The following DPP6 variants were observed in gnomAD, a reference collection of about 807,000 sequenced individuals.
DPP6 encodes the protein A-type potassium channel modulatory protein DPP6.
DPP6 carries 69 observed loss-of-function variants against 122.6 expected under a neutral mutation model. The observed-to-expected ratio is 0.56, with a 90% CI of 0.46 to 0.69. The LOEUF (loss-of-function observed/expected upper bound fraction) is 0.69. Among genes scored for constraint, DPP6 ranks in the 30% least tolerant of loss-of-function variants. The probability of loss-of-function intolerance (pLI) is 0.00; values close to 1 mark genes in which losing one functional copy is unlikely to be tolerated. For synonymous variants in DPP6, 418 were observed against 433.1 expected (o/e 0.97, Z 0.43); for missense variants, 928 against 1,116.9 (o/e 0.83, Z 2.41).
Position 154,100,188 on chromosome 7 carries a change from T to C in DPP6, c.243+47125T>C, listed in dbSNP as rs1448837183. On this transcript the variant is annotated intron_variant, in intron 1 of 25. Coordinates refer to ENST00000377770, the MANE Select transcript of DPP6 (RefSeq NM_130797.4). ...GCAAAATCAACTTCCAGAGTAGAAG[T>C]GGGAGTTTTATTTTTTATTTATTTA... is the stretch of plus-strand genomic sequence containing the variant. 8.8e-4 allele frequency among the ~76,000 whole-genome samples: 95 copies of C among 108,302 alleles called. 15 individuals are homozygous for C. Among genetic ancestry groups the C allele is most frequent in the African/African-American group, 3.8e-3 (95 of 25,186 alleles). The allele number at this position is 108,302 out of a possible 152,430, so 71.1% of individuals were successfully genotyped here. A position where few individuals can be genotyped will look rare whatever the true frequency, so the allele number is the denominator to read the frequency against.
intron 4 of DPP6, among the ~76,000 whole-genome samples, chr7:154,541,434 C>T (rs1828720909): frequency 6.6e-6 from 1 of 152,140 alleles, no homozygotes; most frequent in South Asian, 2.1e-4. Flanking sequence ...TGTACTCGAC[C>T]CCAAAGATTT....
intron 1 of DPP6, among the ~76,000 whole-genome samples, chr7:154,199,644 C>G (rs1330529070): frequency 6.6e-6 from 1 of 150,770 alleles, no homozygotes; most frequent in Non-Finnish European, 1.5e-5. Flanking sequence ...GAGTCTTGCT[C>G]AGTCACCAAG....
intron 1 of DPP6, among the ~76,000 whole-genome samples, chr7:154,295,559 A>C (rs1222858311): frequency 6.6e-6 from 1 of 152,152 alleles, no homozygotes; most frequent in Non-Finnish European, 1.5e-5. Context: ...AGATTTAGAG[A>C]CGGGGAGTTC....
At chr7:154,565,027 C>T (rs1289919734) in intron 4 of DPP6, among the ~76,000 whole-genome samples, 1 of 152,122 alleles carries the variant, frequency 6.6e-6, no homozygotes, top group African/African-American at 2.4e-5. Flanking sequence ...TCACTAAGGG[C>T]AAGAAGGCTG....
At chr7:154,273,778 A>C (rs1355219429) in intron 1 of DPP6, among the ~76,000 whole-genome samples, 1 of 152,244 alleles carries the variant, frequency 6.6e-6, no homozygotes, top group Non-Finnish European at 1.5e-5. Context: ...AGGACATTAT[A>C]GTCAGACTGG....
At chr7:154,853,739 T>C in intron 16 of DPP6, 41 bp from the exon 17 acceptor site, 1 of 1,605,310 alleles carries the variant, frequency 6.2e-7, no homozygotes, top group African/African-American at 1.3e-5. Flanking sequence ...ACTAATGGCT[T>C]CGTTTTTGTT....
intron 2 of DPP6, among the ~76,000 whole-genome samples, chr7:154,446,933 G>A (rs913603138): frequency 3.3e-5 from 5 of 152,190 alleles, no homozygotes; most frequent in Non-Finnish European, 5.9e-5. Context: ...ACGTAAAGTG[G>A]GCTTAATGGA....
At chr7:154,287,341 G>GGAT (rs1231387037) in intron 1 of DPP6, among the ~76,000 whole-genome samples, 1 of 152,194 alleles carries the variant, frequency 6.6e-6, no homozygotes, top group Non-Finnish European at 1.5e-5. Flanking sequence ...GTTTCTAAGT[G>GGAT]GATGACCCTG....
the DPP6 span, among the ~76,000 whole-genome samples, chr7:153,846,387 A>G: frequency 6.6e-6 from 1 of 152,156 alleles, no homozygotes; most frequent in African/African-American, 2.4e-5. Flanking sequence ...AGATATATGC[A>G]ATGTGTTCTC....
At chr7:154,067,532 G>T (rs1802817729) in intron 1 of DPP6, among the ~76,000 whole-genome samples, 1 of 152,100 alleles carries the variant, frequency 6.6e-6, no homozygotes, top group South Asian at 2.1e-4. Context: ...CGTGCATGTG[G>T]GGCAAAGCCA....
At chr7:154,888,845 G>A (rs1806374468) in intron 23 of DPP6, among the ~76,000 whole-genome samples, 1 of 152,230 alleles carries the variant, frequency 6.6e-6, no homozygotes, top group Non-Finnish European at 1.5e-5. Flanking sequence ...TCACAATCAT[G>A]CTGAAGGCAA....
intron 1 of DPP6, among the ~76,000 whole-genome samples, chr7:154,015,652 C>G (rs1401469593): frequency 6.6e-6 from 1 of 152,118 alleles, no homozygotes; most frequent in African/African-American, 2.4e-5. Flanking sequence ...TTCCATTTCA[C>G]CTCATCTAAC....
intron 1 of DPP6, among the ~76,000 whole-genome samples, chr7:153,977,031 C>A (rs574374863): frequency 6.6e-6 from 1 of 152,222 alleles, no homozygotes; most frequent in Non-Finnish European, 1.5e-5. Flanking sequence ...CTGCACACTT[C>A]TTCTAAGCTG....
At chr7:154,619,800 A>G (rs931442902) in intron 5 of DPP6, among the ~76,000 whole-genome samples, 3 of 152,252 alleles carry the variant, frequency 2.0e-5, no homozygotes, top group African/African-American at 7.2e-5. Flanking sequence ...ATCACTATAC[A>G]GAATCCAGCA....
intron 1 of DPP6, among the ~76,000 whole-genome samples, chr7:154,377,904 A>G (rs1813269063): frequency 6.6e-6 from 1 of 152,200 alleles, no homozygotes; most frequent in African/African-American, 2.4e-5. Flanking sequence ...TGGGCACTGC[A>G]TGGATTTGGG....
intron 7 of DPP6, among the ~76,000 whole-genome samples, chr7:154,674,555 C>G (rs1838769619): frequency 6.6e-6 from 1 of 152,190 alleles, no homozygotes; most frequent in Non-Finnish European, 1.5e-5. Context: ...ATTAAGAATT[C>G]AAAGCCGGAA....
chr7:154,261,809 T>A (rs1025119006), intron 1 of DPP6, among the ~76,000 whole-genome samples: 20 of 152,194 alleles, frequency 1.3e-4, no homozygotes, highest in African/African-American at 4.8e-4. Flanking sequence ...TCATTAATGA[T>A]CAGGGAAATG....
rs781529787 is a variant in DPP6, at chr7:154,587,754, T to C, written c.627+20838T>C. ...GCCCAGCTTGTCACCAGGGCTGTTTTCTTCATTACATCACCATGTCTCTTC... is the reference window on the plus strand; with the variant it reads ...GCCCAGCTTGTCACCAGGGCTGTTTCCTTCATTACATCACCATGTCTCTTC... On this transcript the variant is annotated intron_variant, in intron 5 of 25. Transcript: ENST00000377770. 3.8e-6 allele frequency: 6 copies of C among 1,586,994 alleles called. No homozygotes were observed. The Middle Eastern group carries it at 5.0e-4, about 132-fold the overall frequency.
intron 1 of DPP6, among the ~76,000 whole-genome samples, chr7:154,420,268 G>A (rs530416559): frequency 5.9e-5 from 9 of 152,292 alleles, no homozygotes; most frequent in Middle Eastern, 3.4e-3. Context: ...CCCAAGAGGC[G>A]GAGGTTGTAG....
Sources: gnomAD v4.1 joint callset for allele counts (sites outside exome capture counted in the v4.1 genomes callset) on GRCh38, gnomAD v4.1.1 for gene constraint, MANE v1.5 for transcripts, NCBI Gene and HGNC (gene_info 2026-07-23, HGNC 2026-07-21) for gene names.